The following ABI3BP variants were observed in gnomAD, a reference collection of about 807,000 sequenced individuals.
The protein encoded by ABI3BP is target of Nesh-SH3.
A neutral mutation model predicts 268.6 loss-of-function variants in ABI3BP; 216 were observed. That is an observed-to-expected ratio of 0.80 (90% CI 0.72 to 0.90). ABI3BP has a LOEUF of 0.90. ABI3BP is among the 40% of genes least tolerant of loss of function. The pLI, the probability that ABI3BP is intolerant of heterozygous loss-of-function variation, is 0.00. For synonymous variants in ABI3BP, 730 were observed against 730.0 expected, an observed-to-expected ratio of 1.00 and a Z score of 0.00; for missense variants, 2,090 against 2,182.4, an observed-to-expected ratio of 0.96 and a Z score of 0.84.
intron 2 of ABI3BP, among the ~76,000 whole-genome samples, chr3:100,912,882 C>A (rs926951632): frequency 6.6e-6 from 1 of 152,198 alleles, no homozygotes; most frequent in Non-Finnish European, 1.5e-5. Flanking sequence ...AGCTCACCAG[C>A]GCCCTGGGCT....
Position 100,914,195 on chromosome 3 carries a change from T to G in ABI3BP, c.260-11509A>C, listed in dbSNP as rs141098720. On this transcript the variant is annotated intron_variant, in intron 2 of 67. Coordinates refer to ENST00000471714, the MANE Select transcript of ABI3BP (RefSeq NM_001375547.2). ...TGTGGAAAAAAAAAACTTTTCCTTC[T>G]TTGCCTGAAAAATAACTGGAGAGCA... 5.9e-5 allele frequency among the ~76,000 whole-genome samples: 9 copies of G among 152,380 alleles called. No individual in the cohort carries two copies. In the East Asian group the frequency reaches 1.5e-3, roughly 26 times the overall value.
chr3:100,936,290 G>A (rs766648652), intron 1 of ABI3BP, among the ~76,000 whole-genome samples: 10 of 152,052 alleles, frequency 6.6e-5, no homozygotes, highest in East Asian at 1.9e-4. Context: ...ATTAATTTGC[G>A]TATGTTGAAC....
chr3:100,796,281 G>C, intron 52 of ABI3BP, 128 bp downstream of exon 52: 2 of 672,188 alleles, frequency 3.0e-6, no homozygotes, highest in South Asian at 2.7e-5. Flanking sequence ...CAAGAAATAT[G>C]CATTTTATAC....
chr3:100,828,037 C>A (rs996376493), intron 34 of ABI3BP, among the ~76,000 whole-genome samples: 4 of 151,544 alleles, frequency 2.6e-5, no homozygotes, highest in Admixed American at 6.6e-5. Context: ...ATATAAACCC[C>A]CAAAAAAGGA....
At chr3:100,810,701 T>C (rs1329242013) in intron 48 of ABI3BP, among the ~76,000 whole-genome samples, 1 of 152,120 alleles carries the variant, frequency 6.6e-6, no homozygotes, top group East Asian at 1.9e-4. Flanking sequence ...ACATTAGAAC[T>C]CTACCTCCTC....
chr3:100,829,484 G>T, intron 33 of ABI3BP, 97 bp downstream of exon 33: 1 of 1,142,152 alleles, frequency 8.8e-7, no homozygotes, highest in Non-Finnish European at 1.3e-6. Context: ...CTAGTCTGAT[G>T]TGGAATCAGC....
chr3:100,946,401 T>C (rs1188832297), intron 1 of ABI3BP, among the ~76,000 whole-genome samples: 4 of 151,412 alleles, frequency 2.6e-5, no homozygotes, highest in African/African-American at 9.7e-5. Context: ...AGATCACTTA[T>C]TTTGTTATAA....
chr3:100,763,463 CAAAA>C (rs1418781949), intron 63 of ABI3BP, among the ~76,000 whole-genome samples: 3 of 109,318 alleles, frequency 2.7e-5, no homozygotes, highest in Admixed American at 9.8e-5. Flanking sequence ...GACTCTGTCT[CAAAA>C]AAAAAAAAAA....
chr3:100,773,055 G>A (rs145221103), intron 61 of ABI3BP, among the ~76,000 whole-genome samples: 2,444 of 143,234 alleles, frequency 0.017, 72 homozygotes, highest in African/African-American at 0.06. Flanking sequence ...TTCAGCCTGG[G>A]CAACAGAGCG....
intron 14 of ABI3BP, among the ~76,000 whole-genome samples, chr3:100,858,610 A>G (rs1354807315): frequency 6.6e-6 from 1 of 152,250 alleles, no homozygotes; most frequent in Non-Finnish European, 1.5e-5. Context: ...GTAAAGCAAA[A>G]TAAACTTTAC....
intron 38 of ABI3BP, 35 bp from the exon 39 acceptor site, chr3:100,821,148 T>C: frequency 6.6e-7 from 1 of 1,515,636 alleles, no homozygotes; most frequent in Non-Finnish European, 8.9e-7. Context: ...CAAATGATTA[T>C]TTTAAATGAA....
chr3:100,813,613 C>A, intron 45 of ABI3BP, 48 bp downstream of exon 45: 1 of 1,358,760 alleles, frequency 7.4e-7, no homozygotes, highest in South Asian at 1.3e-5. Flanking sequence ...TTACAGTATG[C>A]CTCTTAAAGC....
intron 14 of ABI3BP, among the ~76,000 whole-genome samples, chr3:100,860,558 T>C (rs2098986565): frequency 6.6e-6 from 1 of 152,230 alleles, no homozygotes; most frequent in Non-Finnish European, 1.5e-5. Context: ...ATATCATCTA[T>C]TTTCGTCTCA....
intron 2 of ABI3BP, among the ~76,000 whole-genome samples, chr3:100,913,272 A>T (rs961677919): frequency 6.6e-6 from 1 of 152,186 alleles, no homozygotes; most frequent in African/African-American, 2.4e-5. Flanking sequence ...TCCACCCTGA[A>T]GACCATTGCT....
At chr3:100,968,765 G>T (rs1451979115) in intron 1 of ABI3BP, among the ~76,000 whole-genome samples, 1 of 151,914 alleles carries the variant, frequency 6.6e-6, no homozygotes, top group Non-Finnish European at 1.5e-5. Context: ...AGGTATACAC[G>T]TGCTATGGTG....
chr3:100,864,773 T>C (rs761037870), intron 11 of ABI3BP, 60 bp downstream of exon 11: 2 of 1,304,300 alleles, frequency 1.5e-6, no homozygotes, highest in East Asian at 2.5e-5. Context: ...CTGTGAGTCC[T>C]GGGAGTTATT....
Position 100,778,324 on chromosome 3 carries a change from A to T in ABI3BP, c.4293T>A (p.Pro1431=), listed in dbSNP as rs1372283621. The change falls in exon 59 of 68, where the codon CCT becomes CCA. Residue 1431 remains proline, a synonymous_variant. Coordinates refer to ENST00000471714, the MANE Select transcript of ABI3BP (RefSeq NM_001375547.2). ...PPRPTHPRRK[P]LPPNNVTGKP... is the part of the protein sequence containing the mutation. The stretch of plus-strand genomic sequence containing the variant: ...TTCCAGTGACATTATTTGGTGGTAA[A>T]GGTTTTCTTCGTGGGTGTGTAGGTC... 1 of 1,613,828 alleles carries T rather than the reference A, an allele frequency of 6.2e-7. No homozygotes were observed. The highest frequency in any genetic ancestry group is 1.6e-4 in the Middle Eastern group (1 of 6,062).
At chr3:100,859,247 G>A (rs2098970565) in intron 14 of ABI3BP, among the ~76,000 whole-genome samples, 1 of 152,168 alleles carries the variant, frequency 6.6e-6, no homozygotes, top group Non-Finnish European at 1.5e-5. Flanking sequence ...TACCCCAACA[G>A]AGAAAACAGA....
rs1342773482 is a variant in ABI3BP at position 100,821,055 on chromosome 3, T to A, written c.2946A>T (p.Gln982His). 1 of 1,535,636 alleles carries A rather than the reference T, an allele frequency of 6.5e-7. No homozygotes were observed. The highest frequency in any genetic ancestry group is 1.4e-5 in the African/African-American group (1 of 73,144). The change falls in exon 39 of 68, where the codon CAA becomes CAT. Residue 982 changes from glutamine (Q) to histidine (H), a missense_variant and splice_region_variant. Gln to His is a conservative substitution (Grantham distance 24). Transcript: ENST00000471714. ...ATGAGGATTGCAACGTGCTATTACCTTGTGTTGTCACCCAAGTCTCAGTTC... is the reference window on the plus strand; with the variant it reads ...ATGAGGATTGCAACGTGCTATTACCATGTGTTGTCACCCAAGTCTCAGTTC... ...TLRTETWVTT[Q>H]APKTSQRTRR... is the part of the protein sequence containing the mutation.
Sources: gnomAD v4.1 joint callset for allele counts (sites outside exome capture counted in the v4.1 genomes callset) on GRCh38, gnomAD v4.1.1 for gene constraint, MANE v1.5 for transcripts, NCBI Gene and HGNC (gene_info 2026-07-23, HGNC 2026-07-21) for gene names.